The following RSRC1 variants were observed in gnomAD, a reference collection of about 807,000 sequenced individuals.
The protein encoded by RSRC1 is arginine and serine rich coiled-coil 1, also known as serine/Arginine-related protein 53.
A neutral mutation model predicts 49.1 loss-of-function variants in RSRC1; 39 were observed. That is an observed-to-expected ratio of 0.79 (90% CI 0.61 to 1.04). The LOEUF (loss-of-function observed/expected upper bound fraction) is 1.04. RSRC1 is among the 50% of genes least tolerant of loss of function. The pLI, the probability that RSRC1 is intolerant of heterozygous loss-of-function variation, is 0.00. For synonymous variants in RSRC1, 143 were observed against 130.8 expected, an observed-to-expected ratio of 1.09 and a Z score of -0.63; for missense variants, 388 against 402.4, an observed-to-expected ratio of 0.96 and a Z score of 0.31.
At chr3:158,307,525 G>C (rs925030458) in intron 5 of RSRC1, among the ~76,000 whole-genome samples, 2 of 151,656 alleles carry the variant, frequency 1.3e-5, no homozygotes, top group Non-Finnish European at 3.0e-5. Flanking sequence ...ACCACTTTTG[G>C]GTGTGGGACC....
intron 4 of RSRC1, among the ~76,000 whole-genome samples, chr3:158,204,906 TGAGA>T (rs1721263660): frequency 6.6e-6 from 1 of 152,086 alleles, no homozygotes; most frequent in Non-Finnish European, 1.5e-5. Flanking sequence ...GTAAGAAATA[TGAGA>T]GAGTGAATAA....
intron 4 of RSRC1, among the ~76,000 whole-genome samples, chr3:158,211,636 C>T (rs73874334): frequency 0.078 from 11,804 of 151,910 alleles, 567 homozygotes; most frequent in East Asian, 0.14. Flanking sequence ...ACAATATACC[C>T]GGTAGTCTTT....
At chr3:158,235,894 G>C (rs1224599287) in intron 4 of RSRC1, among the ~76,000 whole-genome samples, 32 of 152,162 alleles carry the variant, frequency 2.1e-4, no homozygotes, top group Admixed American at 2.1e-3. Context: ...AAGGTAGGTG[G>C]ATCTTGAGGT....
At chr3:158,118,485 A>G (rs1239455715) in intron 1 of RSRC1, among the ~76,000 whole-genome samples, 1 of 96,594 alleles carries the variant, frequency 1.0e-5, no homozygotes, top group African/African-American at 4.3e-5. Flanking sequence ...GGTTTTTTTA[A>G]ATTGTCCTTT....
chr3:158,438,770 A>G (rs1348663344), intron 6 of RSRC1, among the ~76,000 whole-genome samples: 2 of 152,208 alleles, frequency 1.3e-5, no homozygotes, highest in African/African-American at 2.4e-5. Flanking sequence ...CAAGGACTTC[A>G]TGTCTAAAAC....
At chr3:158,303,597 C>T (rs1240339192) in intron 5 of RSRC1, 1 of 152,070 alleles carries the variant, frequency 6.6e-6, no homozygotes, top group East Asian at 1.9e-4. Context: ...GGTTCAGTGA[C>T]CACCAGCAAG....
At chr3:158,271,071 A>C (rs1021246698) in intron 4 of RSRC1, among the ~76,000 whole-genome samples, 9 of 152,176 alleles carry the variant, frequency 5.9e-5, no homozygotes, top group Admixed American at 2.0e-4. Flanking sequence ...TTAAGTATGT[A>C]GCCTTTGTAG....
At chr3:158,328,962 C>G (rs560289163) in intron 5 of RSRC1, among the ~76,000 whole-genome samples, 1 of 152,278 alleles carries the variant, frequency 6.6e-6, no homozygotes, top group Non-Finnish European at 1.5e-5. Flanking sequence ...CTCTAAGCTT[C>G]TCTTCTCACT....
intron 5 of RSRC1, among the ~76,000 whole-genome samples, chr3:158,318,219 A>G (rs1162831601): frequency 6.6e-6 from 1 of 152,098 alleles, no homozygotes; most frequent in Non-Finnish European, 1.5e-5. Context: ...CTCCAGGTAG[A>G]AAGATGTTCT....
At chr3:158,209,108 A>C (rs1469654305) in intron 4 of RSRC1, among the ~76,000 whole-genome samples, 1 of 152,178 alleles carries the variant, frequency 6.6e-6, no homozygotes, top group African/African-American at 2.4e-5. Context: ...CCAGCTAGGA[A>C]AATTTGGTTT....
chr3:158,252,022 T>G (rs544755696), intron 4 of RSRC1, among the ~76,000 whole-genome samples: 1 of 152,332 alleles, frequency 6.6e-6, no homozygotes, highest in Admixed American at 6.5e-5. Context: ...GTTTTTGTTA[T>G]GAAGGGATGT....
intron 5 of RSRC1, among the ~76,000 whole-genome samples, chr3:158,332,953 G>A (rs1729637347): frequency 1.3e-5 from 2 of 150,614 alleles, no homozygotes; most frequent in South Asian, 2.1e-4. Flanking sequence ...TTCTCTTAGG[G>A]ATGCTTTTCT....
At chr3:158,243,376 G>C (rs770161021) in intron 4 of RSRC1, among the ~76,000 whole-genome samples, 5 of 151,614 alleles carry the variant, frequency 3.3e-5, no homozygotes, top group Non-Finnish European at 5.9e-5. Context: ...TGGTCTTTCT[G>C]GGTTTTCTCT....
chr3:158,331,823 CT>C (rs200224265), intron 5 of RSRC1, among the ~76,000 whole-genome samples: 1,597 of 133,756 alleles, frequency 0.012, 19 homozygotes, highest in African/African-American at 0.035. Flanking sequence ...GTATAGTGGT[CT>C]TTTTTTTTTT....
At chr3:158,509,124 G>C (rs1023230437) in intron 7 of RSRC1, among the ~76,000 whole-genome samples, 24 of 152,104 alleles carry the variant, frequency 1.6e-4, no homozygotes, top group African/African-American at 5.8e-4. Context: ...GAGTTGTATA[G>C]TTTTAGGTTT....
chr3:158,226,897 G>A (rs779640164), intron 4 of RSRC1, among the ~76,000 whole-genome samples: 15 of 151,992 alleles, frequency 9.9e-5, no homozygotes, highest in Non-Finnish European at 1.9e-4. Flanking sequence ...AGAATTTTGT[G>A]TAAAGGGAAC....
At chr3:158,361,875 T>C (rs1048361780) in intron 6 of RSRC1, among the ~76,000 whole-genome samples, 2 of 152,180 alleles carry the variant, frequency 1.3e-5, no homozygotes, top group East Asian at 1.9e-4. Flanking sequence ...CCACATCTTT[T>C]CCCTGACCAT....
chr3:158,234,549 A>G (rs1430421949), intron 4 of RSRC1, among the ~76,000 whole-genome samples: 2 of 152,030 alleles, frequency 1.3e-5, no homozygotes, highest in African/African-American at 4.8e-5. Context: ...ATTGGAACTT[A>G]TATAGGAAAT....
At chr3:158,132,257 A>G (rs1441128593) in intron 3 of RSRC1, 2 of 298,758 alleles carry the variant, frequency 6.7e-6, no homozygotes, top group Non-Finnish European at 1.5e-5. Context: ...AAGTGCAGGG[A>G]TTACAGGTAT....
Sources: allele counts gnomAD v4.1 joint callset (sites outside exome capture counted in the v4.1 genomes callset), GRCh38; gene constraint gnomAD v4.1.1; transcripts MANE v1.5; gene names NCBI Gene and HGNC (gene_info 2026-07-23, HGNC 2026-07-21).